Variants in SDK1 observed in about 807,000 individuals in gnomAD.
SDK1 encodes protein sidekick-1.
In SDK1, 157 loss-of-function variants were observed where a neutral mutation model predicts 245.5. The ratio of observed to expected loss-of-function variants is 0.64; its 90% CI spans 0.56 to 0.73. SDK1 has a LOEUF of 0.73. Ranked by LOEUF, SDK1 falls within the 30% of genes least tolerant of loss-of-function variation. The pLI is 0.00. For missense variants in SDK1, 3,583 were observed against 3,002.3 expected (o/e 1.19, Z -4.52); for synonymous variants, 1,647 against 1,278.5 (o/e 1.29, Z -6.15).
chr7:3,640,824 C>T (rs1424504347), intron 3 of SDK1, among the ~76,000 whole-genome samples: 7 of 152,022 alleles, frequency 4.6e-5, no homozygotes, highest in African/African-American at 1.5e-4. Flanking sequence ...GCTGGGATTA[C>T]AGGCACCCAC....
intron 1 of SDK1, among the ~76,000 whole-genome samples, chr7:3,416,701 C>T (rs1000309574): frequency 2.0e-5 from 3 of 152,114 alleles, no homozygotes; most frequent in Admixed American, 2.0e-4. Context: ...ACATAGGAAG[C>T]CCTGCTGACG....
intron 1 of SDK1, among the ~76,000 whole-genome samples, chr7:3,468,353 G>A (rs1450190454): frequency 6.6e-6 from 1 of 152,068 alleles, no homozygotes; most frequent in Non-Finnish European, 1.5e-5. Flanking sequence ...CTCAGAAGAA[G>A]CCTTAGAAGC....
intron 5 of SDK1, among the ~76,000 whole-genome samples, chr7:3,922,560 A>G (rs1468367324): frequency 6.6e-6 from 1 of 152,224 alleles, no homozygotes; most frequent in Non-Finnish European, 1.5e-5. Context: ...ATGTAATCTC[A>G]TTAACATTCC....
At chr7:4,142,174 A>G (rs1295877755) in intron 28 of SDK1, among the ~76,000 whole-genome samples, 3 of 152,192 alleles carry the variant, frequency 2.0e-5, no homozygotes, top group African/African-American at 7.2e-5. Context: ...ACGCATACAT[A>G]CATGAGTCTG....
At chr7:3,738,386 AT>A (rs1214793911) in intron 4 of SDK1, among the ~76,000 whole-genome samples, 1 of 152,078 alleles carries the variant, frequency 6.6e-6, no homozygotes, top group Non-Finnish European at 1.5e-5. Flanking sequence ...GGGCTTTCTA[AT>A]CTATTACATT....
At chr7:4,221,467 C>T (rs35146190) in intron 40 of SDK1, 103 bp downstream of exon 40, 265,844 of 1,404,950 alleles carry the variant, frequency 0.19, 28,490 homozygotes, top group Non-Finnish European at 0.21. Flanking sequence ...GCATTTTCCC[C>T]CCACAAAGCT....
intron 14 of SDK1, among the ~76,000 whole-genome samples, chr7:3,999,701 G>A (rs1290132437): frequency 2.6e-5 from 4 of 152,232 alleles, no homozygotes; most frequent in Non-Finnish European, 5.9e-5. Flanking sequence ...GAGGCTGGAG[G>A]CTGAAATGGA....
chr7:3,722,817 G>A (rs1017402431), intron 4 of SDK1, among the ~76,000 whole-genome samples: 7 of 152,272 alleles, frequency 4.6e-5, no homozygotes, highest in Admixed American at 2.6e-4. Flanking sequence ...AGCAGGGTGG[G>A]CTTTCTGGCT....
At chr7:3,986,954 A>T (rs1783896253) in intron 13 of SDK1, among the ~76,000 whole-genome samples, 1 of 152,234 alleles carries the variant, frequency 6.6e-6, no homozygotes, top group Non-Finnish European at 1.5e-5. Context: ...TAGCTAGCAT[A>T]AGGGTTCCAT....
chr7:4,215,103 C>A (rs1002941280), intron 38 of SDK1, among the ~76,000 whole-genome samples: 1 of 152,238 alleles, frequency 6.6e-6, no homozygotes, highest in African/African-American at 2.4e-5. Context: ...TGGCCAGAAC[C>A]CTGGCTCGCC....
intron 4 of SDK1, among the ~76,000 whole-genome samples, chr7:3,788,040 A>G (rs1428335218): frequency 1.3e-5 from 2 of 152,146 alleles, no homozygotes; most frequent in Non-Finnish European, 2.9e-5. Context: ...AATCATGCCA[A>G]ACAGCTCGTG....
intron 1 of SDK1, among the ~76,000 whole-genome samples, chr7:3,592,238 C>A (rs1780900505): frequency 6.6e-6 from 1 of 152,144 alleles, no homozygotes; most frequent in Non-Finnish European, 1.5e-5. Flanking sequence ...AAAATGATTT[C>A]TTACTATAAA....
intron 13 of SDK1, among the ~76,000 whole-genome samples, chr7:3,981,010 T>TGCCTCAGGTATTGCAC (rs1178761580): frequency 2.0e-5 from 3 of 152,186 alleles, no homozygotes; most frequent in South Asian, 2.1e-4. Flanking sequence ...TTCTATTGCA[T>TGCCTCAGGTATTGCAC]GCCTCAGGTA....
chr7:3,413,806 G>T (rs73300366), intron 1 of SDK1, among the ~76,000 whole-genome samples: 2,551 of 152,256 alleles, frequency 0.017, 86 homozygotes, highest in African/African-American at 0.059. Flanking sequence ...TGGCAATGTA[G>T]CAAGATCTGC....
In SDK1 at chr7:3,301,544, G is replaced by A. The variant is rs1333362812; in HGVS notation, c.-43G>A. 1.5e-5 allele frequency: 11 copies of A among 730,224 alleles called. No individual in the cohort carries two copies. Among genetic ancestry groups the A allele is most frequent in the South Asian group, 6.1e-5 (1 of 16,386 alleles). 45.2% of individuals were successfully genotyped at this position (730,224 alleles called of 1,614,324 possible). A position where few individuals can be genotyped will look rare whatever the true frequency, so the allele number is the denominator to read the frequency against. On this transcript the variant is annotated 5_prime_UTR_variant, in exon 1 of 45. Coordinates refer to ENST00000404826, the MANE Select transcript of SDK1 (RefSeq NM_152744.4). ...CGGAGCCGTCCCGCCTGTCCTGCCCGCCCGTCCGTCCGGCGCGGCGCTCGG... is the reference window on the plus strand; with the variant it reads ...CGGAGCCGTCCCGCCTGTCCTGCCCACCCGTCCGTCCGGCGCGGCGCTCGG...
chr7:4,151,897 G>A (rs1050194129), intron 30 of SDK1, among the ~76,000 whole-genome samples: 4 of 152,202 alleles, frequency 2.6e-5, no homozygotes, highest in Non-Finnish European at 5.9e-5. Context: ...GTGAGCCAGA[G>A]GTCAAGGCTC....
intron 38 of SDK1, among the ~76,000 whole-genome samples, chr7:4,211,673 G>T (rs562340775): frequency 6.6e-6 from 1 of 152,078 alleles, no homozygotes; most frequent in Admixed American, 6.5e-5. Context: ...GCAGTGGCAC[G>T]ATTTCTGCTC....
chr7:3,668,289 G>C (rs905547745), intron 4 of SDK1, among the ~76,000 whole-genome samples: 6 of 152,154 alleles, frequency 3.9e-5, no homozygotes, highest in African/African-American at 1.4e-4. Context: ...GATGGCAGTA[G>C]ATTCCTCTTC....
intron 25 of SDK1, among the ~76,000 whole-genome samples, chr7:4,115,975 C>T (rs568900302): frequency 3.9e-5 from 6 of 152,230 alleles, no homozygotes; most frequent in East Asian, 3.9e-4. Flanking sequence ...AGGCGGATGA[C>T]GTGGGGGCAC....
Sources: allele counts gnomAD v4.1 joint callset (sites outside exome capture counted in the v4.1 genomes callset), GRCh38; gene constraint gnomAD v4.1.1; transcripts MANE v1.5; gene names NCBI Gene and HGNC (gene_info 2026-07-23, HGNC 2026-07-21).